Variants in SEMA6D observed in about 807,000 individuals in gnomAD.
SEMA6D encodes semaphorin 6D, also known as semaphorin-6D.
In SEMA6D, 35 loss-of-function variants were observed where a neutral mutation model predicts 106.6. That is an observed-to-expected ratio of 0.33 (90% CI 0.25 to 0.44). SEMA6D has a LOEUF of 0.44. SEMA6D is among the 20% of genes least tolerant of loss of function. The pLI is 1.00. For synonymous variants in SEMA6D, 499 were observed against 487.7 expected, an observed-to-expected ratio of 1.02 and a Z score of -0.31; for missense variants, 1,185 against 1,345.9, an observed-to-expected ratio of 0.88 and a Z score of 1.87.
intron 2 of SEMA6D, among the ~76,000 whole-genome samples, chr15:47,454,944 A>G (rs2042303211): frequency 6.6e-6 from 1 of 151,924 alleles, no homozygotes; most frequent in South Asian, 2.1e-4. Flanking sequence ...TGGATCCTGT[A>G]GGCGTTGATT....
chr15:47,246,422 C>A (rs2033202803), intron 1 of SEMA6D, among the ~76,000 whole-genome samples: 1 of 152,130 alleles, frequency 6.6e-6, no homozygotes, highest in Admixed American at 6.5e-5. Flanking sequence ...GGGAAGAAAT[C>A]CACCCATTAT....
chr15:47,195,520 T>C (rs906277849), intron 1 of SEMA6D, among the ~76,000 whole-genome samples: 1 of 152,152 alleles, frequency 6.6e-6, no homozygotes, highest in African/African-American at 2.4e-5. Context: ...GGGAAGAAAA[T>C]GAAAATCAGA....
At chr15:47,613,914 T>C (rs1231461567) in intron 4 of SEMA6D, among the ~76,000 whole-genome samples, 3 of 152,204 alleles carry the variant, frequency 2.0e-5, no homozygotes, top group African/African-American at 7.2e-5. Context: ...CCCAAAATGC[T>C]GGGATTACAA....
At chr15:47,599,074 T>C (rs2076592547) in intron 3 of SEMA6D, among the ~76,000 whole-genome samples, 1 of 152,068 alleles carries the variant, frequency 6.6e-6, no homozygotes, top group South Asian at 2.1e-4. Flanking sequence ...TGGGTGCTAA[T>C]CTGCTAGGGA....
At chr15:47,393,322 T>A (rs1429633869) in intron 1 of SEMA6D, 1 of 152,214 alleles carries the variant, frequency 6.6e-6, no homozygotes, top group African/African-American at 2.4e-5. Context: ...TCATACTTAC[T>A]TAAGGACCTT....
At chr15:47,511,940 G>A (rs1347564244) in intron 3 of SEMA6D, among the ~76,000 whole-genome samples, 6 of 152,174 alleles carry the variant, frequency 3.9e-5, no homozygotes, top group Non-Finnish European at 8.8e-5. Context: ...TGACCTCGGT[G>A]AGAAAAAGTT....
intron 1 of SEMA6D, among the ~76,000 whole-genome samples, chr15:47,223,190 C>G (rs190530008): frequency 6.6e-6 from 1 of 150,852 alleles, no homozygotes; most frequent in Non-Finnish European, 1.5e-5. Context: ...AAAATCTTCA[C>G]AAGGATTGTG....
intron 1 of SEMA6D, among the ~76,000 whole-genome samples, chr15:47,334,791 C>G (rs771922438): frequency 6.6e-6 from 1 of 152,138 alleles, no homozygotes; most frequent in Non-Finnish European, 1.5e-5. Flanking sequence ...ACACTCCATT[C>G]CATTACTAAA....
intron 1 of SEMA6D, among the ~76,000 whole-genome samples, chr15:47,355,757 G>A (rs1022441589): frequency 2.6e-5 from 4 of 152,158 alleles, no homozygotes; most frequent in African/African-American, 9.7e-5. Context: ...AAATCTAGCA[G>A]CCTTTTCTAA....
chr15:47,572,472 G>C lies in SEMA6D; in HGVS notation c.-86-28393G>C, dbSNP rs1435760. On this transcript the variant is annotated intron_variant, in intron 3 of 19. Coordinates refer to the SEMA6D transcript ENST00000558014. ...ATTTTAGATGGCAGCTTCTGTATTC[G>C]GCACAGAAACTGTGATAGACCCTGG... Among the ~76,000 whole-genome samples the C allele has an allele frequency of 1.7e-3, 254 of 152,314 alleles. 2 individuals carry two copies. The highest frequency in any genetic ancestry group is 6.0e-3 in the African/African-American group (248 of 41,560).
chr15:47,540,044 C>CTG (rs34146724), intron 3 of SEMA6D, among the ~76,000 whole-genome samples: 75,732 of 150,590 alleles, frequency 0.5, 20,295 homozygotes, highest in African/African-American at 0.71. Context: ...TTATATTTAG[C>CTG]TGTGTGTGTG....
At chr15:47,765,168 G>A in intron 13 of SEMA6D, 112 bp downstream of exon 13, 1 of 1,466,094 alleles carries the variant, frequency 6.8e-7, no homozygotes, top group Non-Finnish European at 9.0e-7. Context: ...TGGCATAATA[G>A]TGTTTTGTGT....
At chr15:47,591,887 CTTGGGGAGAATGACAT>C (rs2076446397) in intron 3 of SEMA6D, among the ~76,000 whole-genome samples, 1 of 151,946 alleles carries the variant, frequency 6.6e-6, no homozygotes, top group Non-Finnish European at 1.5e-5. Flanking sequence ...GGAGAGAGAG[CTTGGGGAGAATGACAT>C]TTGGAAAGAG....
intron 1 of SEMA6D, among the ~76,000 whole-genome samples, chr15:47,195,637 C>T (rs773577214): frequency 3.0e-4 from 46 of 152,086 alleles, no homozygotes; most frequent in Admixed American, 8.5e-4. Context: ...ATCACTCTCA[C>T]GGGAGACTTT....
At chr15:47,502,659 A>G (rs1392134388) in intron 3 of SEMA6D, among the ~76,000 whole-genome samples, 1 of 152,212 alleles carries the variant, frequency 6.6e-6, no homozygotes, top group Non-Finnish European at 1.5e-5. Flanking sequence ...CTTCTATTCC[A>G]ATGAATGGAA....
intron 1 of SEMA6D, among the ~76,000 whole-genome samples, chr15:47,333,153 T>C (rs1403063122): frequency 2.6e-5 from 4 of 152,170 alleles, no homozygotes; most frequent in African/African-American, 9.7e-5. Context: ...GATTATTCTT[T>C]ATGACTCTTA....
At chr15:47,765,569 A>T in intron 13 of SEMA6D, 1 of 600,728 alleles carries the variant, frequency 1.7e-6, no homozygotes, top group Non-Finnish European at 2.2e-6. Flanking sequence ...AGGAAAATTT[A>T]TATGCATTAA....
At chr15:47,759,996 A>G in intron 2 of SEMA6D, 89 bp downstream of exon 2, 2 of 1,008,436 alleles carry the variant, frequency 2.0e-6, no homozygotes, top group South Asian at 1.4e-5. Context: ...AGAAAGAGGC[A>G]GAGATTTTTT....
intron 1 of SEMA6D, among the ~76,000 whole-genome samples, chr15:47,746,984 G>GTGTATATATATATATATATA (rs1401767590): frequency 5.7e-5 from 7 of 122,104 alleles, no homozygotes; most frequent in South Asian, 2.8e-4. Context: ...GTGTGTGTGT[G>GTGTATATATATATATATATA]TATATATATA....
Sources: allele counts gnomAD v4.1 joint callset (sites outside exome capture counted in the v4.1 genomes callset), GRCh38; gene constraint gnomAD v4.1.1; transcripts MANE v1.5; gene names NCBI Gene and HGNC (gene_info 2026-07-23, HGNC 2026-07-21).